The following DOCK7 variants were observed in gnomAD, a reference collection of about 807,000 sequenced individuals.
The protein encoded by DOCK7 is dedicator of cytokinesis protein 7.
In DOCK7, 138 loss-of-function variants were observed where a neutral mutation model predicts 271.0. The observed-to-expected ratio is 0.51, with a 90% CI of 0.44 to 0.59. The LOEUF (loss-of-function observed/expected upper bound fraction) is 0.59. Among genes scored for constraint, DOCK7 ranks in the 20% least tolerant of loss-of-function variants. The pLI is 0.00. For missense variants in DOCK7, 2,066 were observed against 2,592.4 expected, an observed-to-expected ratio of 0.80 and a Z score of 4.41; for synonymous variants, 823 against 876.1, an observed-to-expected ratio of 0.94 and a Z score of 1.07.
intron 14 of DOCK7, chr1:62,604,823 G>A: frequency 6.2e-7 from 1 of 1,611,968 alleles, no homozygotes; most frequent in Admixed American, 1.7e-5. Context: ...AATGAACTGA[G>A]GCAAATTTAA....
chr1:62,480,301 AAC>A (rs1327177735), intron 43 of DOCK7, among the ~76,000 whole-genome samples: 1 of 152,210 alleles, frequency 6.6e-6, no homozygotes, highest in Non-Finnish European at 1.5e-5. Context: ...GCTTAAAACT[AAC>A]CTACCTCTTT....
At chr1:62,642,234 G>A (rs1296699187) in intron 7 of DOCK7, among the ~76,000 whole-genome samples, 7 of 151,250 alleles carry the variant, frequency 4.6e-5, no homozygotes, top group East Asian at 1.9e-4. Context: ...TCAGCCTCCC[G>A]AGTAGCTGGG....
intron 11 of DOCK7, among the ~76,000 whole-genome samples, chr1:62,626,138 T>C (rs1021302029): frequency 1.3e-5 from 2 of 151,900 alleles, no homozygotes; most frequent in East Asian, 1.9e-4. Flanking sequence ...ATTTAAAAAA[T>C]AGCTAATGGA....
chr1:62,649,613 G>A (rs1657091100), intron 4 of DOCK7, among the ~76,000 whole-genome samples: 1 of 152,124 alleles, frequency 6.6e-6, no homozygotes, highest in African/African-American at 2.4e-5. Context: ...TGAAATTCAA[G>A]AAAGCAAAGA....
intron 14 of DOCK7, chr1:62,601,345 C>T: frequency 1.6e-6 from 1 of 631,594 alleles, no homozygotes. Flanking sequence ...TTTTTACACC[C>T]TATAAAAGAC....
intron 1 of DOCK7, among the ~76,000 whole-genome samples, chr1:62,672,043 A>G (rs1660077497): frequency 6.6e-6 from 1 of 151,978 alleles, no homozygotes; most frequent in African/African-American, 2.4e-5. Flanking sequence ...ACTTAGGAAG[A>G]AAAAATTTCA....
At chr1:62,573,918 C>T (rs563948376) in intron 18 of DOCK7, among the ~76,000 whole-genome samples, 1 of 152,182 alleles carries the variant, frequency 6.6e-6, no homozygotes, top group African/African-American at 2.4e-5. Context: ...GTATGAGTCA[C>T]CATGCCAAGC....
chr1:62,676,580 C>A (rs1358676603), intron 1 of DOCK7, among the ~76,000 whole-genome samples: 1 of 151,862 alleles, frequency 6.6e-6, no homozygotes, highest in Non-Finnish European at 1.5e-5. Flanking sequence ...TGGAACTGCT[C>A]TGCAAAGATA....
intron 14 of DOCK7, among the ~76,000 whole-genome samples, chr1:62,600,589 A>G (rs923772832): frequency 2.6e-5 from 4 of 151,872 alleles, no homozygotes; most frequent in African/African-American, 9.7e-5. Context: ...AAGTAAGCAA[A>G]CAAACTTGCC....
intron 14 of DOCK7, among the ~76,000 whole-genome samples, chr1:62,612,458 T>C (rs1369648600): frequency 6.6e-6 from 1 of 152,084 alleles, no homozygotes; most frequent in Non-Finnish European, 1.5e-5. Flanking sequence ...AACAGATTGA[T>C]AGGTACAGCA....
chr1:62,595,847 C>T (rs1426178796), intron 14 of DOCK7, among the ~76,000 whole-genome samples: 2 of 151,942 alleles, frequency 1.3e-5, no homozygotes, highest in Non-Finnish European at 2.9e-5. Context: ...GAGGCTTGCT[C>T]GAGCCCAGGA....
At chr1:62,459,531 T>C (rs745719944) in intron 48 of DOCK7, among the ~76,000 whole-genome samples, 97 of 152,220 alleles carry the variant, frequency 6.4e-4, no homozygotes, top group Admixed American at 4.6e-3. Context: ...TTTACAAAAC[T>C]GTACAATTTC....
chr1:62,455,849 C>T (rs1645332309), intron 49 of DOCK7, among the ~76,000 whole-genome samples: 1 of 152,174 alleles, frequency 6.6e-6, no homozygotes, highest in Non-Finnish European at 1.5e-5. Flanking sequence ...GTCCCTTTTA[C>T]ACTCTTAAAA....
At chr1:62,623,848 T>G (rs1326997142) in intron 12 of DOCK7, among the ~76,000 whole-genome samples, 1 of 152,182 alleles carries the variant, frequency 6.6e-6, no homozygotes, top group Non-Finnish European at 1.5e-5. Context: ...CCATGAATAC[T>G]ACTGATATGT....
intron 41 of DOCK7, among the ~76,000 whole-genome samples, chr1:62,489,893 T>C (rs1646408895): frequency 6.6e-6 from 1 of 152,160 alleles, no homozygotes; most frequent in African/African-American, 2.4e-5. Context: ...AATCTCCTAT[T>C]GTAAATCTCC....
chr1:62,470,352 G>A (rs973116977), intron 48 of DOCK7, among the ~76,000 whole-genome samples: 16 of 152,156 alleles, frequency 1.1e-4, no homozygotes, highest in African/African-American at 3.9e-4. Flanking sequence ...CACTCATTAA[G>A]TGGGAGCTAA....
rs71643633 is a variant in DOCK7 at position 62,513,267 on chromosome 1, C to G, written c.4282+177G>C. 6.8e-3 allele frequency among the ~76,000 whole-genome samples: 263 copies of G among 38,574 alleles called. 2 individuals are homozygous for G. The highest frequency in any genetic ancestry group is 8.7e-3 in the East Asian group (7 of 804). The allele number at this position is 38,574 out of a possible 152,430, so 25.3% of individuals were successfully genotyped here. A position where few individuals can be genotyped will look rare whatever the true frequency, so the allele number is the denominator to read the frequency against. The stretch of plus-strand genomic sequence containing the variant: ...TCTAGAGAAAACGGGGGGGGGGGGG[C>G]GGTATGCTGACTCACCTAAATCAGA... On this transcript the variant is annotated intron_variant, in intron 33 of 49. Transcript: ENST00000635253.
rs1646991045 is a variant in DOCK7 at position 62,507,984 on chromosome 1, T to C, written c.4454A>G (p.Asp1485Gly). 1.2e-6 allele frequency: 2 copies of C among 1,612,756 alleles called. No individual in the cohort carries two copies. The highest frequency in any genetic ancestry group is 1.7e-6 in the Non-Finnish European group (2 of 1,179,670). Residue 1485 changes from aspartate to glycine, a missense_variant, in exon 35 of 50, where the codon GAT becomes GGT. By Grantham distance (94) the Asp-to-Gly change is moderately conservative (BLOSUM62 -1). Coordinates refer to ENST00000635253, the MANE Select transcript of DOCK7 (RefSeq NM_001367561.1). ...TACCTGAACAACAATCTCTAATGTA[T>C]CTAAAATGATTAGGTTTGCTTCTGT... Reference protein sequence around the residue: ...LATEANLIILDTLEIVVQTVS... With the variant: ...LATEANLIILGTLEIVVQTVS...
intron 14 of DOCK7, among the ~76,000 whole-genome samples, chr1:62,600,033 T>C (rs901456752): frequency 6.6e-6 from 1 of 151,894 alleles, no homozygotes; most frequent in Non-Finnish European, 1.5e-5. Flanking sequence ...TAAACAAACA[T>C]AATGTTAGTA....
Sources: gnomAD v4.1 joint callset for allele counts (sites outside exome capture counted in the v4.1 genomes callset) on GRCh38, gnomAD v4.1.1 for gene constraint, MANE v1.5 for transcripts, NCBI Gene and HGNC (gene_info 2026-07-23, HGNC 2026-07-21) for gene names.